CYP4Z1: variants seen among roughly 807,000 people sequenced by gnomAD.
CYP4Z1 encodes cytochrome P450 family 4 subfamily Z member 1, also known as cytochrome P450 4Z1.
CYP4Z1 carries 41 observed loss-of-function variants against 54.2 expected under a neutral mutation model. The ratio of observed to expected loss-of-function variants is 0.76; its 90% CI spans 0.59 to 0.98. The LOEUF is 0.98. Ranked by LOEUF, CYP4Z1 falls within the 50% of genes least tolerant of loss-of-function variation. The probability of loss-of-function intolerance (pLI) is 0.00; values close to 1 mark genes in which losing one functional copy is unlikely to be tolerated. For synonymous variants in CYP4Z1, 163 were observed against 206.2 expected, an observed-to-expected ratio of 0.79 and a Z score of 1.79; for missense variants, 513 against 599.0, an observed-to-expected ratio of 0.86 and a Z score of 1.50.
the CYP4Z1 span, among the ~76,000 whole-genome samples, chr1:47,059,424 C>A: frequency 2.0e-5 from 3 of 152,080 alleles, no homozygotes; most frequent in African/African-American, 7.2e-5. Flanking sequence ...TTCTTTGTAT[C>A]CTGAAGTCAC....
intron 9 of CYP4Z1, among the ~76,000 whole-genome samples, chr1:47,113,908 C>A (rs1280312269): frequency 6.6e-6 from 1 of 152,172 alleles, no homozygotes; most frequent in African/African-American, 2.4e-5. Flanking sequence ...CCCTATCAAG[C>A]TACCAATGAC....
chr1:47,061,227 C>T, the CYP4Z1 span, among the ~76,000 whole-genome samples: 1 of 151,726 alleles, frequency 6.6e-6, no homozygotes, highest in Non-Finnish European at 1.5e-5. Flanking sequence ...AATCAAAACA[C>T]AGAAAACTAT....
intron 7 of CYP4Z1, among the ~76,000 whole-genome samples, chr1:47,098,590 T>G (rs1286965072): frequency 6.6e-6 from 1 of 152,262 alleles, no homozygotes; most frequent in Admixed American, 6.5e-5. Context: ...CATATTCATA[T>G]GTAATACATT....
At chr1:47,114,141 G>A (rs562099890) in intron 9 of CYP4Z1, among the ~76,000 whole-genome samples, 10 of 152,116 alleles carry the variant, frequency 6.6e-5, no homozygotes, top group East Asian at 1.9e-4. Context: ...AAATAATGCC[G>A]CATATCTACA....
chr1:47,117,656 A>AG (rs1158712276), intron 11 of CYP4Z1, 110 bp from the exon 12 acceptor site: 1 of 1,250,008 alleles, frequency 8.0e-7, no homozygotes, highest in Non-Finnish European at 1.1e-6. Context: ...ACAGAAAAAA[A>AG]AATGGATCTT....
intron 2 of CYP4Z1, among the ~76,000 whole-genome samples, chr1:47,076,749 G>T (rs535771762): frequency 6.7e-6 from 1 of 149,334 alleles, no homozygotes; most frequent in African/African-American, 2.5e-5. Flanking sequence ...AGAGGCTGAG[G>T]CAGGAGAATG....
chr1:47,104,028 T>A (rs904217415), intron 8 of CYP4Z1, among the ~76,000 whole-genome samples: 1 of 152,248 alleles, frequency 6.6e-6, no homozygotes, highest in Non-Finnish European at 1.5e-5. Flanking sequence ...TTGCTTTTCA[T>A]GTTTCCTGTG....
rs1355308921 is a variant in CYP4Z1, at chr1:47,116,712, A to G, written c.1329A>G (p.Ile443Met). 1 of 1,610,802 alleles carries G rather than the reference A, an allele frequency of 6.2e-7. No individual in the cohort carries two copies. Among genetic ancestry groups the G allele is most frequent in the South Asian group, 1.1e-5 (1 of 90,658 alleles). Residue 443 changes from isoleucine to methionine, a missense_variant, in exon 11 of 12, where the codon ATA becomes ATG. Coordinates refer to ENST00000334194, the MANE Select transcript of CYP4Z1 (RefSeq NM_178134.3). The stretch of plus-strand genomic sequence containing the variant: ...AAAAAATACATCCCTATGCCTTCAT[A>G]CCATTCTCAGCTGGATTAAGGTAAA... ...NSEKIHPYAFIPFSAGLRNCI... is the reference protein window; with the variant it reads ...NSEKIHPYAFMPFSAGLRNCI...
At chr1:47,111,433 T>C (rs545476211) in intron 9 of CYP4Z1, among the ~76,000 whole-genome samples, 4 of 152,330 alleles carry the variant, frequency 2.6e-5, no homozygotes, top group African/African-American at 9.6e-5. Context: ...TCCACCCGCC[T>C]GGGCCTTTCA....
At chr1:47,104,906 G>A (rs1381713024) in intron 8 of CYP4Z1, among the ~76,000 whole-genome samples, 1 of 126,208 alleles carries the variant, frequency 7.9e-6, no homozygotes, top group Non-Finnish European at 1.6e-5. Context: ...GAGAGGGAGG[G>A]GCTGGGGCTG....
At chr1:47,059,522 A>G in the CYP4Z1 span, among the ~76,000 whole-genome samples, 2 of 152,218 alleles carry the variant, frequency 1.3e-5, no homozygotes, top group African/African-American at 4.8e-5. Context: ...ATGTGAAAAC[A>G]ATAATTTGCA....
intron 4 of CYP4Z1, among the ~76,000 whole-genome samples, chr1:47,083,568 G>T (rs1037716028): frequency 6.6e-6 from 1 of 152,188 alleles, no homozygotes; most frequent in Non-Finnish European, 1.5e-5. Context: ...GGCCAAGGTG[G>T]GTGGATGGCT....
At chr1:47,087,302 C>T (rs1163601023) in intron 6 of CYP4Z1, among the ~76,000 whole-genome samples, 2 of 152,240 alleles carry the variant, frequency 1.3e-5, no homozygotes, top group South Asian at 4.1e-4. Flanking sequence ...GCCATTTTCA[C>T]GATATTGATT....
chr1:47,055,576 A>G, the CYP4Z1 span, among the ~76,000 whole-genome samples: 2 of 152,016 alleles, frequency 1.3e-5, no homozygotes, highest in African/African-American at 4.8e-5. Context: ...GTAAGCTATT[A>G]ATTATTGCCT....
intron 10 of CYP4Z1, among the ~76,000 whole-genome samples, chr1:47,115,934 C>G (rs1644826852): frequency 1.3e-5 from 2 of 152,120 alleles, no homozygotes; most frequent in Admixed American, 6.5e-5. Flanking sequence ...TTGCAAATCT[C>G]TTGTTACTGG....
intron 8 of CYP4Z1, among the ~76,000 whole-genome samples, chr1:47,103,358 A>T (rs1389758807): frequency 6.7e-6 from 1 of 149,446 alleles, no homozygotes; most frequent in Admixed American, 6.7e-5. Context: ...TTTTTTTTTT[A>T]ATAGAGATAG....
Position 47,106,176 on chromosome 1 carries a change from C to T in CYP4Z1, c.1116C>T (p.Cys372=), listed in dbSNP as rs753024849. 4 of 1,613,954 alleles carry T rather than the reference C, an allele frequency of 2.5e-6. No homozygotes were observed. Among genetic ancestry groups the T allele is most frequent in the East Asian group, 2.2e-5 (1 of 44,878 alleles). ...ACACCACGATGTGCATCAAGGAATG[C>T]CTCCGCCTCTACGCACCGGTAGTAA... is the stretch of plus-strand genomic sequence containing the variant. ...MPYTTMCIKE[C]LRLYAPVVNI... Residue 372 remains cysteine (C), a synonymous_variant, in exon 9 of 12, where the codon TGC becomes TGT. Transcript: ENST00000334194.
intron 6 of CYP4Z1, 21 bp from the exon 7 acceptor site, chr1:47,094,545 G>T (rs749385726): frequency 1.2e-5 from 17 of 1,446,680 alleles, no homozygotes; most frequent in Non-Finnish European, 3.8e-6. Context: ...TAATAACAAA[G>T]ATCATAATTT....
chr1:47,069,036 C>T (rs555010023), intron 2 of CYP4Z1, among the ~76,000 whole-genome samples: 1 of 152,368 alleles, frequency 6.6e-6, no homozygotes, highest in African/African-American at 2.4e-5. Flanking sequence ...CTCAGACCCC[C>T]AGGACTACCA....
Sources: allele counts gnomAD v4.1 joint callset (sites outside exome capture counted in the v4.1 genomes callset), GRCh38; gene constraint gnomAD v4.1.1; transcripts MANE v1.5; gene names NCBI Gene and HGNC (gene_info 2026-07-23, HGNC 2026-07-21).